RELL1: variants seen among roughly 807,000 people sequenced by gnomAD.
RELL1 encodes RELT-like protein 1.
Under a neutral mutation model 23.0 loss-of-function variants are expected in RELL1, and 10 were observed. The observed-to-expected ratio is 0.43, with a 90% CI of 0.27 to 0.74. RELL1 has a LOEUF of 0.74. RELL1 is among the 30% of genes least tolerant of loss of function. The probability of loss-of-function intolerance (pLI) is 0.19; values close to 1 mark genes in which losing one functional copy is unlikely to be tolerated. For synonymous variants in RELL1, 146 were observed against 146.8 expected, an observed-to-expected ratio of 0.99 and a Z score of 0.04; for missense variants, 315 against 364.4, an observed-to-expected ratio of 0.86 and a Z score of 1.10.
intron 6 of RELL1, among the ~76,000 whole-genome samples, chr4:37,600,252 A>G (rs1718979260): frequency 6.8e-6 from 1 of 147,000 alleles, no homozygotes; most frequent in African/African-American, 2.6e-5. Context: ...CCTGGGTGAC[A>G]GAGCGAGACT....
downstream of RELL1, among the ~76,000 whole-genome samples, chr4:37,606,598 A>G (rs1217578233): frequency 1.3e-5 from 2 of 152,244 alleles, no homozygotes; most frequent in African/African-American, 4.8e-5. The surrounding 1 kb of genome is among the most constrained non-coding windows in gnomAD (Gnocchi z 4.1). Context: ...AGAATGCCAG[A>G]ATTGCCAGCA....
At position 37,611,372 on chromosome 4, in the gene RELL1, CACAT is replaced by C. The variant is rs1719370549; in HGVS notation, c.*1970_*1973del. 6.6e-6 allele frequency among the ~76,000 whole-genome samples: 1 copy of C among 152,000 alleles called. No individual in the cohort carries two copies. Among genetic ancestry groups the C allele is most frequent in the Non-Finnish European group, 1.5e-5 (1 of 68,032 alleles). On this transcript the variant is annotated 3_prime_UTR_variant, in exon 7 of 7. Transcript: ENST00000454158. Reference sequence around the variant, plus strand: ...AGTCCACAGTGTATATGAATATGTACACATACAGTGTTTATTAGTTGTCAGTAAA... The same window carrying C: ...AGTCCACAGTGTATATGAATATGTACACAGTGTTTATTAGTTGTCAGTAAA...
Position 37,636,256 on chromosome 4 carries a change from C to T in RELL1, c.444-1133G>A, listed in dbSNP as rs183297788. Among the ~76,000 whole-genome samples the T allele has an allele frequency of 3.7e-4, 56 of 152,236 alleles. 1 individual carries two copies. In the East Asian group the frequency reaches 8.5e-3, roughly 23 times the overall value. On this transcript the variant is annotated intron_variant, in intron 4 of 6. Coordinates refer to ENST00000454158, the MANE Select transcript of RELL1 (RefSeq NM_001085400.2). Reference sequence around the variant, plus strand: ...AGTGCTTCAGAAACAGCAGAGACCACTTTGATAATCTGGAATATATTTGGC... The same window carrying T: ...AGTGCTTCAGAAACAGCAGAGACCATTTTGATAATCTGGAATATATTTGGC...
At chr4:37,685,827 C>A (rs371003279) in intron 1 of RELL1, among the ~76,000 whole-genome samples, 1 of 152,268 alleles carries the variant, frequency 6.6e-6, no homozygotes, top group African/African-American at 2.4e-5. Flanking sequence ...CCGCTCGCGG[C>A]GCCTTTGAGG....
At chr4:37,641,539 C>T (rs964007761) in intron 3 of RELL1, among the ~76,000 whole-genome samples, 5 of 152,148 alleles carry the variant, frequency 3.3e-5, no homozygotes, top group African/African-American at 9.7e-5. Context: ...CCACACTTGC[C>T]GGCATTTTGT....
intron 6 of RELL1, among the ~76,000 whole-genome samples, chr4:37,626,973 A>G (rs2109252196): frequency 6.6e-6 from 1 of 152,346 alleles, no homozygotes; most frequent in South Asian, 2.1e-4. Context: ...ACTGCAGTTA[A>G]TAACAATGTA....
At chr4:37,654,425 T>C (rs963699861) in intron 1 of RELL1, among the ~76,000 whole-genome samples, 2 of 152,212 alleles carry the variant, frequency 1.3e-5, no homozygotes, top group African/African-American at 4.8e-5. Flanking sequence ...GTGGAGAATA[T>C]ATTGTGATCT....
intron 6 of RELL1, 55 bp downstream of exon 6, chr4:37,631,330 C>T: frequency 1.3e-6 from 2 of 1,544,910 alleles, no homozygotes; most frequent in Middle Eastern, 1.8e-4. Context: ...GCTCCAAGTA[C>T]CTTCTCCTCA....
At chr4:37,681,977 T>C (rs565748905) in intron 1 of RELL1, among the ~76,000 whole-genome samples, 1 of 152,216 alleles carries the variant, frequency 6.6e-6, no homozygotes, top group South Asian at 2.1e-4. Context: ...AGTTTAGTAA[T>C]AATAAGCATG....
At chr4:37,618,916 G>A (rs1000558069) in intron 6 of RELL1, among the ~76,000 whole-genome samples, 12 of 151,890 alleles carry the variant, frequency 7.9e-5, no homozygotes, top group South Asian at 4.2e-4. Context: ...TTTCGCTCTC[G>A]TTGCCCAGGC....
intron 1 of RELL1, among the ~76,000 whole-genome samples, chr4:37,660,069 C>T (rs1390903415): frequency 2.0e-5 from 3 of 152,172 alleles, no homozygotes; most frequent in African/African-American, 4.8e-5. Flanking sequence ...CACACACACA[C>T]ACCCATTTTT....
At chr4:37,651,818 T>C (rs1294965197) in intron 1 of RELL1, among the ~76,000 whole-genome samples, 1 of 152,156 alleles carries the variant, frequency 6.6e-6, no homozygotes, top group Non-Finnish European at 1.5e-5. Context: ...GAGCCCCACA[T>C]TGCCTCTCTG....
At position 37,635,122 on chromosome 4, in the gene RELL1, G is replaced by A; in HGVS notation, c.445C>T (p.Pro149Ser). 1 of 1,613,490 alleles carries A rather than the reference G, an allele frequency of 6.2e-7. No individual in the cohort carries two copies. Among genetic ancestry groups the A allele is most frequent in the Non-Finnish European group, 8.5e-7 (1 of 1,179,466 alleles). ...CTCCCTGGTGTGCTGGGGGTCACGG[G>A]GCTAATGTGGGGAGGAAAACAAAAA... ...ADNSLYDPES[P>S]VTPSTPGSPP... The change falls in exon 5 of 7, where the codon CCC becomes TCC. Residue 149 changes from proline (P) to serine (S), a missense_variant and splice_region_variant. Pro to Ser is a moderately conservative substitution (Grantham distance 74). Transcript: ENST00000454158.
chr4:37,633,431 A>C (rs915104473), intron 5 of RELL1, among the ~76,000 whole-genome samples: 5 of 100,610 alleles, frequency 5.0e-5, no homozygotes, highest in Non-Finnish European at 7.1e-5. Context: ...AAAAAAAAAA[A>C]AAAAAAAAAA....
At chr4:37,677,115 C>T (rs1451446533) in intron 1 of RELL1, among the ~76,000 whole-genome samples, 1 of 152,220 alleles carries the variant, frequency 6.6e-6, no homozygotes, top group Non-Finnish European at 1.5e-5. Flanking sequence ...CACAATTACT[C>T]CCATGAGTCA....
rs1341629897 is a variant in RELL1 at position 37,638,517 on chromosome 4, A to T, written c.386-13T>A. Reference sequence around the variant, plus strand: ...ACATCAGCATTCGCTAAGGAATAAAAATAAAATTAAAGAATTAAAATAGAA... The same window carrying T: ...ACATCAGCATTCGCTAAGGAATAAATATAAAATTAAAGAATTAAAATAGAA... On this transcript the variant is annotated splice_polypyrimidine_tract_variant and intron_variant, in intron 3 of 6. Transcript: ENST00000454158. The T allele has an allele frequency of 6.3e-7, 1 of 1,594,004 alleles. No homozygotes were observed. The highest frequency in any genetic ancestry group is 2.2e-5 in the East Asian group (1 of 44,694).
chr4:37,648,143 T>C (rs528833672), intron 2 of RELL1, among the ~76,000 whole-genome samples: 1 of 152,366 alleles, frequency 6.6e-6, no homozygotes. Flanking sequence ...GACAATGCCT[T>C]CTCCATCCAA....
intron 3 of RELL1, 108 bp downstream of exon 3, chr4:37,647,260 C>T (rs1720742104): frequency 1.4e-6 from 1 of 702,922 alleles, no homozygotes; most frequent in Non-Finnish European, 2.5e-6. Flanking sequence ...TGTTAGAAAG[C>T]TTAGGTGAAG....
chr4:37,605,851 A>AG (rs1719195792), downstream of RELL1, among the ~76,000 whole-genome samples: 1 of 132,186 alleles, frequency 7.6e-6, no homozygotes, highest in Non-Finnish European at 1.7e-5. Flanking sequence ...AAGAAGGAAA[A>AG]GAAAAGAAAA....
Sources: allele counts gnomAD v4.1 joint callset (sites outside exome capture counted in the v4.1 genomes callset), GRCh38; gene constraint gnomAD v4.1.1; non-coding constraint Gnocchi (gnomAD v3.1); transcripts MANE v1.5; gene names NCBI Gene and HGNC (gene_info 2026-07-23, HGNC 2026-07-21).